WWOX: variants seen among roughly 807,000 people sequenced by gnomAD.
WWOX encodes the protein WW domain-containing oxidoreductase.
WWOX carries 69 observed loss-of-function variants against 46.2 expected under a neutral mutation model. That is an observed-to-expected ratio of 1.49 (90% CI 1.23 to 1.82). The LOEUF is 1.82. Among genes scored for constraint, WWOX ranks in the 40% most tolerant of loss-of-function variants. WWOX has a pLI of 0.00. For synonymous variants in WWOX, 359 were observed against 202.6 expected, an observed-to-expected ratio of 1.77 and a Z score of -6.56; for missense variants, 919 against 542.6, an observed-to-expected ratio of 1.69 and a Z score of -6.89.
intron 8 of WWOX, among the ~76,000 whole-genome samples, chr16:79,027,949 T>C (rs1475586945): frequency 6.6e-6 from 1 of 151,706 alleles, no homozygotes; most frequent in East Asian, 1.9e-4. Flanking sequence ...TTTTCTTTTT[T>C]GTTGTTGTTT....
At chr16:78,265,713 C>CT (rs139722422) in intron 5 of WWOX, among the ~76,000 whole-genome samples, 6,403 of 149,420 alleles carry the variant, frequency 0.043, 211 homozygotes, top group African/African-American at 0.087. Context: ...ACACGAATAT[C>CT]TTTTTTTGTC....
At chr16:79,179,512 TG>T (rs1567601339) in intron 8 of WWOX, among the ~76,000 whole-genome samples, 1 of 152,222 alleles carries the variant, frequency 6.6e-6, no homozygotes, top group Non-Finnish European at 1.5e-5. Flanking sequence ...TTCATGCTTT[TG>T]TTTTTGTTTT....
chr16:78,120,576 C>CA (rs11433590), intron 4 of WWOX, among the ~76,000 whole-genome samples: 19,529 of 84,102 alleles, frequency 0.23, 1,541 homozygotes, highest in East Asian at 0.35. Context: ...GACTCCGTCT[C>CA]AAAAAAAAAA....
chr16:78,462,568 C>T (rs539664337), intron 8 of WWOX, among the ~76,000 whole-genome samples: 4 of 152,290 alleles, frequency 2.6e-5, no homozygotes, highest in Non-Finnish European at 4.4e-5. Context: ...TGACAGCCGC[C>T]GTGCTGAGCG....
chr16:78,817,533 A>G (rs182474929), intron 8 of WWOX, among the ~76,000 whole-genome samples: 238 of 152,312 alleles, frequency 1.6e-3, no homozygotes, highest in African/African-American at 5.4e-3. Flanking sequence ...CTTTGCTTCA[A>G]ATTTGCCAAT....
At chr16:78,912,118 C>T (rs538872241) in intron 8 of WWOX, among the ~76,000 whole-genome samples, 1 of 151,384 alleles carries the variant, frequency 6.6e-6, no homozygotes, top group African/African-American at 2.4e-5. Context: ...CTCTGAGCCT[C>T]AACTTCCTCA....
intron 4 of WWOX, among the ~76,000 whole-genome samples, chr16:78,116,020 T>TG: frequency 6.6e-6 from 1 of 152,126 alleles, no homozygotes; most frequent in Non-Finnish European, 1.5e-5. Flanking sequence ...TTATTTTTTG[T>TG]GGGTATATAA....
At chr16:78,900,502 C>T (rs8064053) in intron 8 of WWOX, among the ~76,000 whole-genome samples, 1 of 152,012 alleles carries the variant, frequency 6.6e-6, no homozygotes, top group Non-Finnish European at 1.5e-5. Context: ...TCAAGAAACC[C>T]ACAGAGGTCC....
intron 5 of WWOX, among the ~76,000 whole-genome samples, chr16:78,275,878 G>T (rs757395663): frequency 6.6e-6 from 1 of 152,046 alleles, no homozygotes; most frequent in Non-Finnish European, 1.5e-5. Flanking sequence ...TCCTTCCGAC[G>T]AGGAAGTGCA....
At chr16:78,665,378 T>C (rs1357244416) in intron 8 of WWOX, among the ~76,000 whole-genome samples, 2 of 152,144 alleles carry the variant, frequency 1.3e-5, no homozygotes, top group African/African-American at 4.8e-5. Context: ...TATTAAATAA[T>C]TGAATTATTA....
Position 79,097,444 on chromosome 16 carries a change from G to A in WWOX, c.1057-114164G>A, listed in dbSNP as rs1167976554. Among the ~76,000 whole-genome samples, 7 of 150,818 alleles carry A rather than the reference G, an allele frequency of 4.6e-5. No individual in the cohort carries two copies. In the East Asian group the frequency reaches 9.7e-4, roughly 21 times the overall value. On this transcript the variant is annotated intron_variant, in intron 8 of 8. Coordinates refer to ENST00000566780, the MANE Select transcript of WWOX (RefSeq NM_016373.4). The stretch of plus-strand genomic sequence containing the variant: ...AAAGTGATAATTTATTGCAACCAAC[G>A]CTGTGATCTAATAGTCACACATTAC...
chr16:78,291,994 G>T (rs1001235538), intron 5 of WWOX, among the ~76,000 whole-genome samples: 4 of 151,618 alleles, frequency 2.6e-5, no homozygotes, highest in Non-Finnish European at 4.4e-5. Context: ...ACCTTTCCCT[G>T]TGTAACAAAG....
At chr16:78,972,471 A>G (rs1303824677) in intron 8 of WWOX, among the ~76,000 whole-genome samples, 5 of 15,786 alleles carry the variant, frequency 3.2e-4, no homozygotes, top group East Asian at 0.016. Context: ...AGCAGGGGTG[A>G]AAAAAAAAAA....
chr16:79,181,425 A>G lies in WWOX; in HGVS notation c.1057-30183A>G, dbSNP rs111310481. ...ACTACAGCAATATATGTTATTATAT[A>G]CTGCTGGTTTTAATTTTGTAGGACA... On this transcript the variant is annotated intron_variant, in intron 8 of 8. Transcript: ENST00000566780. Among the ~76,000 whole-genome samples the G allele has an allele frequency of 8.1e-3, 1,226 of 152,252 alleles. 17 individuals carry two copies. The highest frequency in any genetic ancestry group is 0.028 in the African/African-American group (1,156 of 41,538).
intron 8 of WWOX, among the ~76,000 whole-genome samples, chr16:78,553,767 G>C (rs576207979): frequency 6.6e-6 from 1 of 152,020 alleles, no homozygotes; most frequent in Non-Finnish European, 1.5e-5. Context: ...TGAAGTCACC[G>C]AGGTGCCAAT....
chr16:78,117,098 A>T (rs1245768629), intron 4 of WWOX, among the ~76,000 whole-genome samples: 3 of 152,222 alleles, frequency 2.0e-5, no homozygotes, highest in African/African-American at 7.2e-5. Context: ...GGTTGCTGAG[A>T]ATGGCCCTCA....
At position 78,856,307 on chromosome 16, in the gene WWOX, C is replaced by T. The variant is rs147085091; in HGVS notation, c.1057-355301C>T. On this transcript the variant is annotated intron_variant, in intron 8 of 8. Coordinates refer to ENST00000566780, the MANE Select transcript of WWOX (RefSeq NM_016373.4). The stretch of plus-strand genomic sequence containing the variant: ...AGTAGGGGCACCGAAAGCTTTAAAG[C>T]AGGGAGTAACAGGCTTGTAGTGACT... Among the ~76,000 whole-genome samples the T allele has an allele frequency of 3.3e-4, 50 of 152,302 alleles. 1 individual carries two copies. The East Asian group carries it at 9.5e-3, about 29-fold the overall frequency.
At chr16:79,189,426 TG>T (rs1274147477) in intron 8 of WWOX, among the ~76,000 whole-genome samples, 16 of 7,400 alleles carry the variant, frequency 2.2e-3, no homozygotes, top group African/African-American at 0.013. Context: ...CCCAGCTTTG[TG>T]TGTGTGTGTG....
At chr16:78,188,994 G>A (rs1015650381) in intron 5 of WWOX, among the ~76,000 whole-genome samples, 2 of 152,194 alleles carry the variant, frequency 1.3e-5, no homozygotes, top group South Asian at 2.1e-4. Flanking sequence ...GAAGGGGGCA[G>A]GAAGGTAAAA....
Sources: allele counts gnomAD v4.1 joint callset (sites outside exome capture counted in the v4.1 genomes callset), GRCh38; gene constraint gnomAD v4.1.1; transcripts MANE v1.5; gene names NCBI Gene and HGNC (gene_info 2026-07-23, HGNC 2026-07-21).